The following BFSP1 variants were observed in gnomAD, a reference collection of about 807,000 sequenced individuals.
BFSP1 encodes the protein filensin.
Under a neutral mutation model 43.9 loss-of-function variants are expected in BFSP1, and 38 were observed. The observed-to-expected ratio is 0.87, with a 90% CI of 0.67 to 1.14. BFSP1 has a LOEUF of 1.14. BFSP1 is among the 50% of genes most tolerant of loss of function. BFSP1 has a pLI of 0.00. For missense variants in BFSP1, 850 were observed against 875.1 expected (o/e 0.97, Z 0.36); for synonymous variants, 352 against 354.8 (o/e 0.99, Z 0.09).
At position 17,498,928 on chromosome 20, in the gene BFSP1, C is replaced by T; in HGVS notation, c.848G>A (p.Arg283Gln). ...GTCGTAAGAAGACTTCTCCAGGACC[C>T]GCTCTGTCTCCTCAATCTCCTTGCG... ...TLRKEIEETE[R>Q]VLEKSSYDCR... Residue 283 changes from arginine to glutamine, a missense_variant, in exon 6 of 8, where the codon CGG (arginine) becomes CAG (glutamine). Physicochemically the swap from Arg to Gln is conservative, Grantham distance 43 (BLOSUM62 1). Coordinates refer to ENST00000377873, the MANE Select transcript of BFSP1 (RefSeq NM_001195.5). The T allele has an allele frequency of 2.5e-6, 4 of 1,614,170 alleles. No homozygotes were observed. The highest frequency in any genetic ancestry group is 3.4e-6 in the Non-Finnish European group (4 of 1,180,028).
In BFSP1 at chr20:17,530,946, C is replaced by A; in HGVS notation, c.377+7G>T. 7.0e-7 allele frequency: 1 copy of A among 1,418,854 alleles called. No homozygotes were observed. Among genetic ancestry groups the A allele is most frequent in the Non-Finnish European group, 9.2e-7 (1 of 1,090,158 alleles). The allele number at this position is 1,418,854 out of a possible 1,614,324, so 87.9% of individuals were successfully genotyped here. On this transcript the variant is annotated splice_region_variant and intron_variant, in intron 1 of 7. Coordinates refer to ENST00000377873, the MANE Select transcript of BFSP1 (RefSeq NM_001195.5). ...TGCCTCGGTTTCCCCCGATGGCCGC[C>A]GCTTACTTGCTTCGGAACTCGTCGA...
Position 17,498,975 on chromosome 20 carries a change from A to T in BFSP1, c.801T>A (p.Tyr267Ter), listed in dbSNP as rs774608732. The change falls in exon 6 of 8, where the codon TAT becomes TAA. Residue 267 changes from tyrosine to a stop codon, truncating the protein, a stop_gained. Transcript: ENST00000377873. LOFTEE classifies it high-confidence loss of function. ...HECYDDEIQL[Y>*]NEQIETLRKE... is the part of the protein sequence containing the mutation. The stretch of plus-strand genomic sequence containing the variant: ...TGCGCAGTGTCTCAATCTGCTCGTT[A>T]TAAAGCTGAATCTCATCGTCATAAC... 6.2e-7 allele frequency: 1 copy of T among 1,614,192 alleles called. No individual in the cohort carries two copies. Among genetic ancestry groups the T allele is most frequent in the South Asian group, 1.1e-5 (1 of 91,076 alleles).
intron 3 of BFSP1, among the ~76,000 whole-genome samples, chr20:17,512,641 TG>T (rs920215668): frequency 4.6e-5 from 7 of 152,064 alleles, no homozygotes; most frequent in Non-Finnish European, 8.8e-5. Context: ...CACTTGAACC[TG>T]GGGGTGGGTG....
At chr20:17,562,055 G>A (rs1324395008), upstream of BFSP1, among the ~76,000 whole-genome samples, 1 of 151,764 alleles carries the variant, frequency 6.6e-6, no homozygotes, top group Non-Finnish European at 1.5e-5. Flanking sequence ...CAAGTAGCTG[G>A]GATTACAAGC....
intron 1 of BFSP1, chr20:17,565,964 AAAAATTAGTTG>A (rs2035114053): frequency 6.6e-6 from 1 of 152,084 alleles, no homozygotes; most frequent in Non-Finnish European, 1.5e-5. Flanking sequence ...TTAAAAGTAC[AAAAATTAGTTG>A]GGCATGGTGG....
intron 5 of BFSP1, among the ~76,000 whole-genome samples, chr20:17,499,347 C>G (rs1344396074): frequency 6.8e-6 from 1 of 148,130 alleles, no homozygotes; most frequent in Non-Finnish European, 1.5e-5. Flanking sequence ...AGGCTAAAGG[C>G]TTCCACCTCA....
intron 5 of BFSP1, among the ~76,000 whole-genome samples, chr20:17,500,043 C>T (rs2033758883): frequency 6.6e-6 from 1 of 152,188 alleles, no homozygotes; most frequent in Non-Finnish European, 1.5e-5. Context: ...AAAAGAAGCA[C>T]ATACTAAATA....
intron 2 of BFSP1, among the ~76,000 whole-genome samples, chr20:17,522,863 G>C (rs1446746873): frequency 6.6e-6 from 1 of 152,164 alleles, no homozygotes; most frequent in African/African-American, 2.4e-5. Flanking sequence ...AAGGCAATTG[G>C]CCCACAGTCT....
chr20:17,533,646 T>A (rs1436740822), upstream of BFSP1, among the ~76,000 whole-genome samples: 3 of 152,002 alleles, frequency 2.0e-5, no homozygotes, highest in East Asian at 5.8e-4. Flanking sequence ...ACAAATAAAG[T>A]CAAGAGGAAG....
Position 17,509,000 on chromosome 20 carries a change from CA to C in BFSP1, c.628-5del. On this transcript the variant is annotated splice_polypyrimidine_tract_variant and splice_region_variant and intron_variant, in intron 4 of 7. Coordinates refer to ENST00000377873, the MANE Select transcript of BFSP1 (RefSeq NM_001195.5). The stretch of plus-strand genomic sequence containing the variant: ...CCCGCTCCGTCAGGAGCTTCTCCTG[CA>C]CAGAGAAGGCCAGAGTCAGACTCAT... The C allele has an allele frequency of 6.4e-7, 1 of 1,562,706 alleles. No homozygotes were observed. Among genetic ancestry groups the C allele is most frequent in the Non-Finnish European group, 8.7e-7 (1 of 1,155,698 alleles).
intron 5 of BFSP1, among the ~76,000 whole-genome samples, chr20:17,508,419 C>T (rs562167061): frequency 1.4e-4 from 21 of 152,298 alleles, no homozygotes; most frequent in African/African-American, 4.3e-4. Context: ...CCACTCTTGC[C>T]GGGTTGTAAT....
chr20:17,502,488 C>T (rs2033827368), intron 5 of BFSP1, among the ~76,000 whole-genome samples: 1 of 152,176 alleles, frequency 6.6e-6, no homozygotes, highest in African/African-American at 2.4e-5. Context: ...AGACATGACA[C>T]CTAAATGTGA....
intron 1 of BFSP1, among the ~76,000 whole-genome samples, chr20:17,541,500 T>C (rs2034717875): frequency 6.6e-6 from 1 of 152,146 alleles, no homozygotes; most frequent in African/African-American, 2.4e-5. Flanking sequence ...AGGAAATATA[T>C]AGGGACAGAA....
chr20:17,498,208 G>A (rs531019883), intron 6 of BFSP1, among the ~76,000 whole-genome samples: 41 of 152,262 alleles, frequency 2.7e-4, no homozygotes, highest in African/African-American at 7.5e-4. Flanking sequence ...TTCCCAACCC[G>A]TTCTCTGGAA....
upstream of BFSP1, chr20:17,531,412 A>C: frequency 1.6e-6 from 2 of 1,249,734 alleles, no homozygotes; most frequent in Non-Finnish European, 2.0e-6. Flanking sequence ...CGCTAAATAA[A>C]CACCGGAGGC....
intron 1 of BFSP1, among the ~76,000 whole-genome samples, chr20:17,527,570 A>G (rs2034447720): frequency 6.6e-6 from 1 of 152,168 alleles, no homozygotes; most frequent in Admixed American, 6.5e-5. Flanking sequence ...TACTAAAAAT[A>G]CAAAAAAATT....
At chr20:17,512,172 TCA>T in intron 3 of BFSP1, 104 bp from the exon 4 acceptor site, 2 of 869,114 alleles carry the variant, frequency 2.3e-6, no homozygotes. Flanking sequence ...CGCTCCCTCA[TCA>T]CAGACAGGAC....
At chr20:17,565,452 T>G (rs2035108179) in intron 1 of BFSP1, 1 of 152,192 alleles carries the variant, frequency 6.6e-6, no homozygotes, top group South Asian at 2.1e-4. Context: ...ATATCCTAAA[T>G]GCCCATCAGT....
At chr20:17,526,398 C>T (rs2034424951) in intron 1 of BFSP1, among the ~76,000 whole-genome samples, 1 of 152,138 alleles carries the variant, frequency 6.6e-6, no homozygotes, top group African/African-American at 2.4e-5. Context: ...CGCCCAACTA[C>T]CTTATGTAAG....
Sources: gnomAD v4.1 joint callset for allele counts (sites outside exome capture counted in the v4.1 genomes callset) on GRCh38, gnomAD v4.1.1 for gene constraint, MANE v1.5 for transcripts, NCBI Gene and HGNC (gene_info 2026-07-23, HGNC 2026-07-21) for gene names.